The following SEPSECS variants were observed in gnomAD, a reference collection of about 807,000 sequenced individuals.
SEPSECS encodes the protein O-phosphoseryl-tRNA(Sec) selenium transferase.
SEPSECS carries 42 observed loss-of-function variants against 52.1 expected under a neutral mutation model. The ratio of observed to expected loss-of-function variants is 0.81; its 90% CI spans 0.63 to 1.04. SEPSECS has a LOEUF of 1.04. Among genes scored for constraint, SEPSECS ranks in the 50% least tolerant of loss-of-function variants. SEPSECS has a pLI of 0.00. For missense variants in SEPSECS, 590 were observed against 610.6 expected, an observed-to-expected ratio of 0.97 and a Z score of 0.36; for synonymous variants, 216 against 211.4, an observed-to-expected ratio of 1.02 and a Z score of -0.19.
intron 10 of SEPSECS, 31 bp from the exon 11 acceptor site, chr4:25,124,256 T>G: frequency 6.3e-7 from 1 of 1,594,328 alleles, no homozygotes; most frequent in Non-Finnish European, 8.6e-7. Context: ...CAATTTAATA[T>G]GTCTGGTAAT....
chr4:25,159,809 A>C, intron 1 of SEPSECS: 1 of 1,094,616 alleles, frequency 9.1e-7, no homozygotes. Flanking sequence ...AATGAAATTA[A>C]AATACATGAA....
intron 6 of SEPSECS, 40 bp downstream of exon 6, chr4:25,151,920 A>C: frequency 9.4e-7 from 1 of 1,066,788 alleles, no homozygotes; most frequent in Non-Finnish European, 1.5e-6. Context: ...TGTTAAAATG[A>C]ATTTTTCCTT....
At chr4:25,149,177 C>A (rs1275583345) in intron 6 of SEPSECS, among the ~76,000 whole-genome samples, 1 of 152,126 alleles carries the variant, frequency 6.6e-6, no homozygotes, top group Non-Finnish European at 1.5e-5. Context: ...CCTGCCTCAG[C>A]CTCCTGAGTA....
intron 2 of SEPSECS, among the ~76,000 whole-genome samples, chr4:25,158,748 T>C (rs183837489): frequency 6.6e-6 from 1 of 152,318 alleles, no homozygotes; most frequent in Admixed American, 6.5e-5. Context: ...CCACTTAGTT[T>C]TTACTCTATT....
intron 8 of SEPSECS, among the ~76,000 whole-genome samples, chr4:25,135,686 C>T (rs957157180): frequency 2.0e-5 from 3 of 152,118 alleles, no homozygotes; most frequent in Admixed American, 1.3e-4. Context: ...AGGGACTCCT[C>T]CTTAACTCAT....
At chr4:25,158,826 A>G (rs565554555) in intron 2 of SEPSECS, 127 bp downstream of exon 2, 2 of 927,988 alleles carry the variant, frequency 2.2e-6, no homozygotes, top group Non-Finnish European at 3.4e-6. Context: ...TTACATATCC[A>G]TTAGAGCAGG....
intron 5 of SEPSECS, among the ~76,000 whole-genome samples, chr4:25,154,466 C>T (rs1712495826): frequency 6.6e-6 from 1 of 152,064 alleles, no homozygotes; most frequent in African/African-American, 2.4e-5. Flanking sequence ...GAAGAGTAAA[C>T]CTTTGCTTTT....
At position 25,159,074 on chromosome 4, in the gene SEPSECS, T is replaced by C; in HGVS notation, c.148A>G (p.Thr50Ala). 1.2e-6 allele frequency: 2 copies of C among 1,612,662 alleles called. No homozygotes were observed. Among genetic ancestry groups the C allele is most frequent in the Non-Finnish European group, 1.7e-6 (2 of 1,179,494 alleles). ...KCPENGWDESTLELFLHELAI... is the reference protein window; with the variant it reads ...KCPENGWDESALELFLHELAI... ...AGTTCATGTAAAAAGAGTTCAAGTGTACTTTCATCCCAGCCATTCTCTGGA... is the reference window on the plus strand; with the variant it reads ...AGTTCATGTAAAAAGAGTTCAAGTGCACTTTCATCCCAGCCATTCTCTGGA... The change falls in exon 2 of 11, where the codon ACA becomes GCA. Residue 50 changes from threonine (T) to alanine (A), a missense_variant. Thr to Ala is a moderately conservative substitution (Grantham distance 58). Coordinates refer to ENST00000382103, the MANE Select transcript of SEPSECS (RefSeq NM_016955.4).
At chr4:25,132,519 A>G (rs1028422574) in intron 8 of SEPSECS, among the ~76,000 whole-genome samples, 6 of 152,222 alleles carry the variant, frequency 3.9e-5, no homozygotes, top group African/African-American at 1.4e-4. Context: ...TATGCTACAT[A>G]TATGCAATTA....
rs368519815 is a variant in SEPSECS at position 25,124,119 on chromosome 4, T to C, written c.1318A>G (p.Ile440Val). 4 of 1,613,752 alleles carry C rather than the reference T, an allele frequency of 2.5e-6. No individual in the cohort carries two copies. In the East Asian group the frequency reaches 8.9e-5, roughly 36 times the overall value. Reference protein sequence around the residue: ...PCAYLNAASAIGMKMQDVDLF... With the variant: ...PCAYLNAASAVGMKMQDVDLF... ...TCCACATCCTGCATCTTCATTCCGA[T>C]GGCTGATGCAGCATTGAGGTAAGCA... The change falls in exon 11 of 11, where the codon ATC becomes GTC. Residue 440 changes from isoleucine (I) to valine (V), a missense_variant. By Grantham distance (29) the Ile-to-Val change is conservative. Coordinates refer to ENST00000382103, the MANE Select transcript of SEPSECS (RefSeq NM_016955.4).
chr4:25,138,435 C>A (rs184794565), intron 8 of SEPSECS, among the ~76,000 whole-genome samples: 1 of 151,282 alleles, frequency 6.6e-6, no homozygotes, highest in East Asian at 1.9e-4. Flanking sequence ...GCCTAGGCAA[C>A]ATAGCAAGAC....
Position 25,123,293 on chromosome 4 carries a change from C to G in SEPSECS, c.*638G>C, listed in dbSNP as rs10004441. Reference sequence around the variant, plus strand: ...GATAATTCTTTGTTGTGGGAGTTGTCCCATGCATTGTAGGATGTTGAGTAG... The same window carrying G: ...GATAATTCTTTGTTGTGGGAGTTGTGCCATGCATTGTAGGATGTTGAGTAG... On this transcript the variant is annotated 3_prime_UTR_variant, in exon 11 of 11. Coordinates refer to ENST00000382103, the MANE Select transcript of SEPSECS (RefSeq NM_016955.4). 2,593 of 153,178 alleles carry G rather than the reference C, an allele frequency of 0.017. 69 individuals carry two copies. Among genetic ancestry groups the G allele is most frequent in the African/African-American group, 0.059 (2,430 of 41,522 alleles). The allele number at this position is 153,178 out of a possible 1,614,324, so 9.5% of individuals were successfully genotyped here.
Position 25,147,921 on chromosome 4 carries a change from G to A in SEPSECS, c.805-2788C>T, listed in dbSNP as rs12502354. Among the ~76,000 whole-genome samples the A allele has an allele frequency of 0.011, 1,740 of 152,106 alleles. 75 individuals are homozygous for A. The East Asian group carries it at 0.12, about 10-fold the overall frequency. On this transcript the variant is annotated intron_variant, in intron 6 of 10. Transcript: ENST00000382103. Reference sequence around the variant, plus strand: ...AACAGAAAAATGGGACTTTGGAGTCGCACTGAACTAGATGGGCTATTTTGT... The same window carrying A: ...AACAGAAAAATGGGACTTTGGAGTCACACTGAACTAGATGGGCTATTTTGT...
At chr4:25,133,957 T>TA (rs991695154) in intron 8 of SEPSECS, among the ~76,000 whole-genome samples, 9 of 144,030 alleles carry the variant, frequency 6.2e-5, no homozygotes, top group African/African-American at 7.7e-5. Flanking sequence ...CTACAAAAAG[T>TA]AAAAAAAAAT....
At chr4:25,134,857 A>C (rs976487423) in intron 8 of SEPSECS, among the ~76,000 whole-genome samples, 14 of 152,190 alleles carry the variant, frequency 9.2e-5, no homozygotes, top group African/African-American at 3.1e-4. Context: ...AACTGAAATC[A>C]TAACAGTCTC....
intron 3 of SEPSECS, among the ~76,000 whole-genome samples, chr4:25,156,526 G>A (rs570311094): frequency 5.5e-4 from 83 of 151,086 alleles, no homozygotes; most frequent in African/African-American, 1.9e-3. Flanking sequence ...AACACGGTGA[G>A]ACCCCCGTCT....
chr4:25,138,739 T>TA (rs2109015629), intron 8 of SEPSECS, among the ~76,000 whole-genome samples: 1 of 152,318 alleles, frequency 6.6e-6, no homozygotes, highest in East Asian at 1.9e-4. Context: ...AAGTTTCTGT[T>TA]ATATATACAA....
Position 25,121,072 on chromosome 4 carries a change from C to G in SEPSECS, c.*2859G>C, listed in dbSNP as rs1329005913. On this transcript the variant is annotated 3_prime_UTR_variant, in exon 11 of 11. Coordinates refer to ENST00000382103, the MANE Select transcript of SEPSECS (RefSeq NM_016955.4). ...ATTCTGTATATCAAGTGCCTATTGG[C>G]TGAACAGAACTGTATTCAATAATTC... 1 of 152,026 alleles carries G rather than the reference C, an allele frequency of 6.6e-6. No individual in the cohort carries two copies. The highest frequency in any genetic ancestry group is 1.5e-5 in the Non-Finnish European group (1 of 67,968). 9.4% of individuals were successfully genotyped at this position (152,026 alleles called of 1,614,324 possible).
At position 25,137,350 on chromosome 4, in the gene SEPSECS, C is replaced by T. The variant is rs192921363; in HGVS notation, c.1026+7424G>A. 3.1e-3 allele frequency among the ~76,000 whole-genome samples: 471 copies of T among 152,150 alleles called. 2 individuals are homozygous for T. The highest frequency in any genetic ancestry group is 0.021 in the South Asian group (99 of 4,824). On this transcript the variant is annotated intron_variant, in intron 8 of 10. Transcript: ENST00000382103. ...GGTCTAATATCCAGTCTACAATGAA[C>T]GTAAACAAATTTACAAGAAAAAAAA...
Sources: allele counts gnomAD v4.1 joint callset (sites outside exome capture counted in the v4.1 genomes callset), GRCh38; gene constraint gnomAD v4.1.1; transcripts MANE v1.5; gene names NCBI Gene and HGNC (gene_info 2026-07-23, HGNC 2026-07-21).